Variants in EPHB4 observed in about 807,000 individuals in gnomAD.
EPHB4 encodes the protein EPH receptor B4, also known as ephrin type-B receptor 4.
A neutral mutation model predicts 110.6 loss-of-function variants in EPHB4; 50 were observed. The observed-to-expected ratio is 0.45, with a 90% CI of 0.36 to 0.57. The LOEUF is 0.57. Among genes scored for constraint, EPHB4 ranks in the 20% least tolerant of loss-of-function variants. The probability of loss-of-function intolerance (pLI) is 0.00; values close to 1 mark genes in which losing one functional copy is unlikely to be tolerated. For missense variants in EPHB4, 1,128 were observed against 1,382.1 expected (o/e 0.82, Z 2.91); for synonymous variants, 592 against 578.4 (o/e 1.02, Z -0.34).
intron 7 of EPHB4, among the ~76,000 whole-genome samples, chr7:100,818,234 C>G (rs914442332): frequency 1.3e-5 from 2 of 152,158 alleles, no homozygotes; most frequent in Non-Finnish European, 2.9e-5. Flanking sequence ...CTCCTAGGCT[C>G]AAGCATTCTG....
Position 100,819,742 on chromosome 7 carries a change from G to A in EPHB4, c.1112C>T (p.Ala371Val), listed in dbSNP as rs55720981. ...CRECRPGGSC[A>V]PCGGDLTFDP... ...AAAAGTCAGGTCTCCCCCGCAGGGC[G>A]CACAGGAGCCTCCGGGTCGGCACTC... is the stretch of plus-strand genomic sequence containing the variant. Residue 371 changes from alanine to valine, a missense_variant, in exon 6 of 17, where the codon GCG (alanine) becomes GTG (valine). Transcript: ENST00000358173. 944 of 1,609,574 alleles carry A rather than the reference G, an allele frequency of 5.9e-4. 13 individuals carry two copies. In the East Asian group the frequency reaches 0.019, roughly 33 times the overall value.
At position 100,823,774 on chromosome 7, in the gene EPHB4, AT is replaced by A; in HGVS notation, c.280del (p.Met94CysfsTer66). 6.2e-7 allele frequency: 1 copy of A among 1,613,556 alleles called. No homozygotes were observed. The highest frequency in any genetic ancestry group is 8.5e-7 in the Non-Finnish European group (1 of 1,179,938). ...VHVYATLRFT[M>X]LECLSLPRAG... ...CCGAGGCAGGGACAGGCACTCGAGC[AT>A]GGTGAAGCGCAGCGTGGCGTACACG... On this transcript the variant is annotated frameshift_variant, in exon 3 of 17. Coordinates refer to ENST00000358173, the MANE Select transcript of EPHB4 (RefSeq NM_004444.5). LOFTEE classifies it high-confidence loss of function.
rs999111186 is a variant in EPHB4, at chr7:100,823,462, G to A, written c.411+182C>T. Among the ~76,000 whole-genome samples the A allele has an allele frequency of 8.5e-5, 13 of 152,236 alleles. No individual in the cohort carries two copies. The East Asian group carries it at 1.7e-3, about 20-fold the overall frequency. ...CTGGGGGCCGGGCCAGGCAGCCCCC[G>A]TATATTCTGCTCCTCCGCCCAGAAG... On this transcript the variant is annotated intron_variant, in intron 3 of 16. Transcript: ENST00000358173.
intron 2 of EPHB4, 33 bp from the exon 3 acceptor site, chr7:100,823,964 G>A (rs1046223718): frequency 6.1e-5 from 95 of 1,546,714 alleles, no homozygotes; most frequent in Non-Finnish European, 8.2e-5. Flanking sequence ...AAGGGGGCTG[G>A]GGAGCCGCCA....
rs564273618 is a variant in EPHB4, at chr7:100,803,503, C to T, written c.2922G>A (p.Pro974=). The T allele has an allele frequency of 7.6e-6, 12 of 1,587,084 alleles. No homozygotes were observed. Among genetic ancestry groups the T allele is most frequent in the Admixed American group, 1.8e-5 (1 of 55,666 alleles). The change falls in exon 17 of 17, where the codon CCG becomes CCA. Residue 974 remains proline, a synonymous_variant. Coordinates refer to ENST00000358173, the MANE Select transcript of EPHB4 (RefSeq NM_004444.5). ...GTCCTCCTGTCCCACCCGGGGTTCC[C>T]GGCTTGGCCTGGGACTTCATGTGCT... ...SVQHMKSQAK[P]GTPGGTGGPA...
rs1161650301 is a variant in EPHB4 at position 100,822,210 on chromosome 7, A to G, written c.808+61T>C. 6.7e-7 allele frequency: 1 copy of G among 1,502,900 alleles called. No homozygotes were observed. The highest frequency in any genetic ancestry group is 8.9e-7 in the Non-Finnish European group (1 of 1,126,250). 93.1% of individuals were successfully genotyped at this position (1,502,900 alleles called of 1,614,324 possible). A position where few individuals can be genotyped will look rare whatever the true frequency, so the allele number is the denominator to read the frequency against. Reference sequence around the variant, plus strand: ...ATGGAAACTTAAGAAGTGGGTCCTGAGTGGAGTTCAGGACTCTCCCCCGGA... The same window carrying G: ...ATGGAAACTTAAGAAGTGGGTCCTGGGTGGAGTTCAGGACTCTCCCCCGGA... On this transcript the variant is annotated intron_variant, in intron 4 of 16. Coordinates refer to ENST00000358173, the MANE Select transcript of EPHB4 (RefSeq NM_004444.5). The surrounding 1 kb of genome is among the most constrained non-coding windows in gnomAD (Gnocchi z 4.7).
chr7:100,824,414 G>A, intron 1 of EPHB4, 141 bp from the exon 2 acceptor site: 1 of 825,892 alleles, frequency 1.2e-6, no homozygotes, highest in Non-Finnish European at 2.0e-6. Flanking sequence ...AGCAAGCCCT[G>A]CCCTCTGCAC....
chr7:100,822,386 AGGGGCGGGGACG>A lies in EPHB4; in HGVS notation c.681_692del (p.Val228_Pro231del), dbSNP rs775074330. 1 of 1,571,014 alleles carries A rather than the reference AGGGGCGGGGACG, an allele frequency of 6.4e-7. No individual in the cohort carries two copies. Among genetic ancestry groups the A allele is most frequent in the Non-Finnish European group, 8.6e-7 (1 of 1,156,826 alleles). On this transcript the variant is annotated inframe_deletion, in exon 4 of 17. Transcript: ENST00000358173. The surrounding 1 kb of genome is among the most constrained non-coding windows in gnomAD (Gnocchi z 4.7). ...GGCAGTAGAGGCTGGGGCTGGGGCC[AGGGGCGGGGACG>A]GCATCCACCACGCAGCTACCGGCCA... is the stretch of plus-strand genomic sequence containing the variant.
intron 4 of EPHB4, chr7:100,821,375 A>C (rs1301645391): frequency 6.6e-6 from 1 of 151,368 alleles, no homozygotes; most frequent in Admixed American, 6.6e-5. Context: ...CACACCTGTA[A>C]TCCCAGCACT....
rs1265771722 is a variant in EPHB4 at position 100,822,347 on chromosome 7, C to T, written c.732G>A (p.Gln244=). 1 of 1,569,604 alleles carries T rather than the reference C, an allele frequency of 6.4e-7. No homozygotes were observed. Among genetic ancestry groups the T allele is most frequent in the African/African-American group, 1.3e-5 (1 of 74,120 alleles). The change falls in exon 4 of 17, where the codon CAG becomes CAA. Residue 244 remains glutamine (Q), a synonymous_variant. Transcript: ENST00000358173. This position sits in a 1 kb window ranked among gnomAD's most constrained non-coding sequence, Gnocchi z 4.7. ...AGCCCGTGACCGGCTGTTCGGCCCACTGGCCATCCTCACGGCAGTAGAGGC... is the reference window on the plus strand; with the variant it reads ...AGCCCGTGACCGGCTGTTCGGCCCATTGGCCATCCTCACGGCAGTAGAGGC... ...SPSLYCREDG[Q]WAEQPVTGCS...
intron 6 of EPHB4, among the ~76,000 whole-genome samples, chr7:100,819,106 C>T (rs574829310): frequency 2.0e-5 from 3 of 151,794 alleles, no homozygotes; most frequent in Non-Finnish European, 4.4e-5. Flanking sequence ...CTCACCCTCT[C>T]TTTCTTATTC....
In EPHB4 at chr7:100,827,077, T is replaced by G; in HGVS notation, c.-47A>C. The G allele has an allele frequency of 1.3e-6, 2 of 1,542,910 alleles. No homozygotes were observed. The highest frequency in any genetic ancestry group is 1.7e-4 in the Middle Eastern group (1 of 5,802). ...GATCCGAACTGAGTTTGGGGGGCCCTCGCCCCCCCAGGTCTGACTCTCCCT... is the reference window on the plus strand; with the variant it reads ...GATCCGAACTGAGTTTGGGGGGCCCGCGCCCCCCCAGGTCTGACTCTCCCT... On this transcript the variant is annotated 5_prime_UTR_variant, in exon 1 of 17. Transcript: ENST00000358173.
intron 16 of EPHB4, among the ~76,000 whole-genome samples, chr7:100,804,028 G>A (rs77093870): frequency 0.018 from 2,766 of 152,272 alleles, 81 homozygotes; most frequent in African/African-American, 0.063. Context: ...GGCCCCCTGG[G>A]TCAGAGAGAG....
In EPHB4 at chr7:100,827,433, G is replaced by C. The variant is rs1467124296; in HGVS notation, c.-403C>G. Reference sequence around the variant, plus strand: ...CTCTCCTCGCGGGCGGGGATGGTGGGAGCCCGAGCGGGGACGGAGCGGGAG... The same window carrying C: ...CTCTCCTCGCGGGCGGGGATGGTGGCAGCCCGAGCGGGGACGGAGCGGGAG... On this transcript the variant is annotated 5_prime_UTR_variant, in exon 1 of 17. Coordinates refer to ENST00000358173, the MANE Select transcript of EPHB4 (RefSeq NM_004444.5). 1 of 150,766 alleles carries C rather than the reference G, an allele frequency of 6.6e-6. No homozygotes were observed. Among genetic ancestry groups the C allele is most frequent in the African/African-American group, 2.4e-5 (1 of 41,244 alleles). The allele number at this position is 150,766 out of a possible 1,614,324, so 9.3% of individuals were successfully genotyped here. A position where few individuals can be genotyped will look rare whatever the true frequency, so the allele number is the denominator to read the frequency against.
chr7:100,815,697 T>A (rs540494393), intron 8 of EPHB4, among the ~76,000 whole-genome samples: 1 of 152,206 alleles, frequency 6.6e-6, no homozygotes, highest in Admixed American at 6.5e-5. Flanking sequence ...AGAAAGCCAC[T>A]GGTCCAATGC....
In EPHB4 at chr7:100,827,145, G is replaced by C; in HGVS notation, c.-115C>G. 1 of 1,199,974 alleles carries C rather than the reference G, an allele frequency of 8.3e-7. No individual in the cohort carries two copies. The highest frequency in any genetic ancestry group is 1.1e-6 in the Non-Finnish European group (1 of 872,204). 74.3% of individuals were successfully genotyped at this position (1,199,974 alleles called of 1,614,324 possible). On this transcript the variant is annotated 5_prime_UTR_variant, in exon 1 of 17. Coordinates refer to ENST00000358173, the MANE Select transcript of EPHB4 (RefSeq NM_004444.5). ...TACTCCGCGCGGGACTCCTCGTCGG[G>C]GCCCTCAGCGCGGGCCCATGCGAGC... is the stretch of plus-strand genomic sequence containing the variant.
At chr7:100,805,799 G>T in intron 14 of EPHB4, 105 bp from the exon 15 acceptor site, 1 of 1,151,976 alleles carries the variant, frequency 8.7e-7, no homozygotes, top group Non-Finnish European at 1.1e-6. Context: ...AGGAGCCACA[G>T]CCCCCCAAAA....
At chr7:100,812,002 G>A (rs1041202004) in intron 12 of EPHB4, among the ~76,000 whole-genome samples, 31 of 151,810 alleles carry the variant, frequency 2.0e-4, no homozygotes, top group African/African-American at 6.0e-4. Flanking sequence ...AGAAACCCCC[G>A]TCTCTACTAA....
intron 10 of EPHB4, 96 bp from the exon 11 acceptor site, chr7:100,813,304 T>TG: frequency 2.8e-6 from 2 of 719,500 alleles, no homozygotes; most frequent in Non-Finnish European, 4.1e-6. Flanking sequence ...CCTGTCTCCG[T>TG]GGTTTTTTTT....
Sources: allele counts gnomAD v4.1 joint callset (sites outside exome capture counted in the v4.1 genomes callset), GRCh38; gene constraint gnomAD v4.1.1; non-coding constraint Gnocchi (gnomAD v3.1); transcripts MANE v1.5; gene names NCBI Gene and HGNC (gene_info 2026-07-23, HGNC 2026-07-21).